Variants in SIGIRR observed in about 807,000 individuals in gnomAD.
The protein encoded by SIGIRR is single Ig and TIR domain containing.
A neutral mutation model predicts 45.6 loss-of-function variants in SIGIRR; 41 were observed. That is an observed-to-expected ratio of 0.90 (90% CI 0.70 to 1.17). The LOEUF is 1.17. Among genes scored for constraint, SIGIRR ranks in the 50% most tolerant of loss-of-function variants. SIGIRR has a pLI of 0.00. For missense variants in SIGIRR, 599 were observed against 539.6 expected, an observed-to-expected ratio of 1.11 and a Z score of -1.09; for synonymous variants, 298 against 239.0, an observed-to-expected ratio of 1.25 and a Z score of -2.28.
chr11:406,051 C>G lies in SIGIRR; in HGVS notation c.1078G>C (p.Gly360Arg). Residue 360 changes from glycine (G) to arginine (R), a missense_variant, in exon 10 of 10, where the codon GGG becomes CGG. Physicochemically the swap from Gly to Arg is moderately radical, Grantham distance 125 (BLOSUM62 -2). Coordinates refer to ENST00000431843, the MANE Select transcript of SIGIRR (RefSeq NM_001135054.2). The stretch of plus-strand genomic sequence containing the variant: ...GCTGATGGCTCTCCAAAGACAGGCC[C>G]CCGGACACCTGGGGTGGGGAGACCG... ...PDPEGDLGVRGPVFGEPSAPP... is the reference protein window; with the variant it reads ...PDPEGDLGVRRPVFGEPSAPP... The G allele has an allele frequency of 6.3e-7, 1 of 1,580,826 alleles. No individual in the cohort carries two copies. The highest frequency in any genetic ancestry group is 8.6e-7 in the Non-Finnish European group (1 of 1,164,708).
chr11:411,466 A>G (rs1230735392), intron 1 of SIGIRR, among the ~76,000 whole-genome samples: 9 of 4,090 alleles, frequency 2.2e-3, no homozygotes, highest in Admixed American at 0.011. Flanking sequence ...ATGTCTGGAT[A>G]CAGTCGGGGA....
chr11:407,210 G>C, intron 6 of SIGIRR, 46 bp from the exon 7 acceptor site: 1 of 907,734 alleles, frequency 1.1e-6, no homozygotes, highest in South Asian at 2.2e-5. Context: ...GGGCGGGGGA[G>C]GGCGGGGCCG....
At chr11:406,681 G>A (rs2133616627) in intron 8 of SIGIRR, 143 bp from the exon 9 acceptor site, 4 of 1,404,774 alleles carry the variant, frequency 2.8e-6, no homozygotes, top group East Asian at 2.5e-5. Flanking sequence ...CTCAAGGGCG[G>A]CTCCCCGCAT....
At chr11:409,137 G>T in intron 2 of SIGIRR, 1 of 566,684 alleles carries the variant, frequency 1.8e-6, no homozygotes, top group Non-Finnish European at 3.2e-6. Context: ...CAGTTGAGCT[G>T]CCCCAGGCCC....
At chr11:417,075 G>A (rs1434352939), upstream of SIGIRR, among the ~76,000 whole-genome samples, 1 of 152,210 alleles carries the variant, frequency 6.6e-6, no homozygotes, top group Non-Finnish European at 1.5e-5. This position sits in a 1 kb window ranked among gnomAD's most constrained non-coding sequence, Gnocchi z 4.2. Context: ...GACCACGTCG[G>A]GCAGAGGAAA....
At position 408,757 on chromosome 11, in the gene SIGIRR, C is replaced by T; in HGVS notation, c.144G>A (p.Gln48=). 1 of 1,612,804 alleles carries T rather than the reference C, an allele frequency of 6.2e-7. No homozygotes were observed. Among genetic ancestry groups the T allele is most frequent in the South Asian group, 1.1e-5 (1 of 91,088 alleles). The change falls in exon 3 of 10, where the codon CAG becomes CAA. Residue 48 remains glutamine, a synonymous_variant. Transcript: ENST00000431843. The part of the protein sequence containing the change: ...SGPHCSLPSV[Q]WLKDGLPLGI... The stretch of plus-strand genomic sequence containing the variant: ...CCAATGGAAGCCCGTCTTTCAGCCA[C>T]TGGACTGAAGGCAGGGAGCAGTGGG...
At position 405,782 on chromosome 11, in the gene SIGIRR, G is replaced by A; in HGVS notation, c.*114C>T. 3.7e-6 allele frequency: 5 copies of A among 1,339,004 alleles called. No homozygotes were observed. Among genetic ancestry groups the A allele is most frequent in the Non-Finnish European group, 5.0e-6 (5 of 993,098 alleles). The allele number at this position is 1,339,004 out of a possible 1,614,324, so 82.9% of individuals were successfully genotyped here. On this transcript the variant is annotated 3_prime_UTR_variant, in exon 10 of 10. Coordinates refer to ENST00000431843, the MANE Select transcript of SIGIRR (RefSeq NM_001135054.2). ...CCTGAGGCCACAGCCTTTTCCCAGG[G>A]CTGCTGGCAGGGTCCCAGGGCTGCT...
intron 5 of SIGIRR, 85 bp downstream of exon 5, chr11:407,732 C>A: frequency 6.3e-7 from 1 of 1,587,492 alleles, no homozygotes. Flanking sequence ...CCCTCCCCGC[C>A]GCACGCCTCC....
chr11:409,738 G>T, intron 2 of SIGIRR, 130 bp downstream of exon 2: 1 of 1,059,410 alleles, frequency 9.4e-7, no homozygotes. Context: ...GTGAGCAGGG[G>T]CCTTTGTACC....
chr11:407,102 C>A lies in SIGIRR; in HGVS notation c.688G>T (p.Asp230Tyr). Residue 230 changes from aspartate (D) to tyrosine (Y), a missense_variant, in exon 7 of 10, where the codon GAC becomes TAC. By Grantham distance (160) the Asp-to-Tyr change is radical. Coordinates refer to ENST00000431843, the MANE Select transcript of SIGIRR (RefSeq NM_001135054.2). ...CACCAGGCCCGGCTCAGGAAGGCGT[C>A]CGAAAGCACCACGATGAGGCGTCGG... ...RCRRLIVVLS[D>Y]AFLSRAWCSH... The A allele has an allele frequency of 6.5e-7, 1 of 1,536,250 alleles. No individual in the cohort carries two copies. The highest frequency in any genetic ancestry group is 1.2e-5 in the South Asian group (1 of 80,526).
rs550178878 is a variant in SIGIRR at position 412,836 on chromosome 11, C to T, written c.-154+1987G>A. 1.3e-3 allele frequency among the ~76,000 whole-genome samples: 202 copies of T among 152,246 alleles called. 1 individual carries two copies. The highest frequency in any genetic ancestry group is 4.5e-3 in the African/African-American group (187 of 41,530). ...ACCTCGGGAACCCTCAGCTTAGCCTCGCCCTGCGGTTGTGAGGCCGGAGGG... is the reference window on the plus strand; with the variant it reads ...ACCTCGGGAACCCTCAGCTTAGCCTTGCCCTGCGGTTGTGAGGCCGGAGGG... On this transcript the variant is annotated intron_variant, in intron 1 of 9. Transcript: ENST00000431843.
intron 1 of SIGIRR, among the ~76,000 whole-genome samples, chr11:410,614 G>A (rs1364887628): frequency 1.6e-3 from 54 of 33,228 alleles, no homozygotes; most frequent in African/African-American, 2.3e-3. Context: ...ATGTCTGGAT[G>A]CAGTCGGGGG....
At position 414,843 on chromosome 11, in the gene SIGIRR, C is replaced by T. The variant is rs1847836507; in HGVS notation, c.-174G>A. 1.5e-5 allele frequency: 15 copies of T among 985,422 alleles called. No individual in the cohort carries two copies. The highest frequency in any genetic ancestry group is 1.7e-5 in the African/African-American group (1 of 57,208). 61.0% of individuals were successfully genotyped at this position (985,422 alleles called of 1,614,324 possible). ...GTCACCTGGTTCCAGTTCTTTCCTC[C>T]GGGGGGCAAATGTTGGTCATTGGTG... On this transcript the variant is annotated 5_prime_UTR_variant, in exon 1 of 10. Coordinates refer to ENST00000431843, the MANE Select transcript of SIGIRR (RefSeq NM_001135054.2).
chr11:406,763 A>AG (rs1425833761), intron 8 of SIGIRR, 80 bp downstream of exon 8: 17 of 1,440,706 alleles, frequency 1.2e-5, no homozygotes, highest in Non-Finnish European at 1.5e-5. Flanking sequence ...CTCCCCACGG[A>AG]GGGGTCCCAG....
chr11:415,737 C>G (rs566885026), upstream of SIGIRR, among the ~76,000 whole-genome samples: 49 of 152,320 alleles, frequency 3.2e-4, no homozygotes, highest in African/African-American at 1.1e-3. This position sits in a 1 kb window ranked among gnomAD's most constrained non-coding sequence, Gnocchi z 6.6. Flanking sequence ...GGCCGAGGCT[C>G]CTGGCTCAGA....
chr11:417,074 G>A (rs1847907516), upstream of SIGIRR, among the ~76,000 whole-genome samples: 4 of 152,308 alleles, frequency 2.6e-5, no homozygotes, highest in South Asian at 6.2e-4. This position sits in a 1 kb window ranked among gnomAD's most constrained non-coding sequence, Gnocchi z 4.2. Context: ...TGACCACGTC[G>A]GGCAGAGGAA....
At chr11:406,180 A>T (rs1847286221) in intron 9 of SIGIRR, 121 bp from the exon 10 acceptor site, 2 of 1,537,422 alleles carry the variant, frequency 1.3e-6, no homozygotes, top group African/African-American at 2.7e-5. Flanking sequence ...GGAAGTTCCC[A>T]GGCAGACCGA....
chr11:412,725 C>T (rs1420311287), intron 1 of SIGIRR, among the ~76,000 whole-genome samples: 2 of 81,206 alleles, frequency 2.5e-5, no homozygotes, highest in African/African-American at 4.8e-5. Flanking sequence ...TGGATGCAGT[C>T]GAGGGGGGGT....
At chr11:407,778 G>A (rs759846718) in intron 5 of SIGIRR, 39 bp downstream of exon 5, 44 of 1,610,214 alleles carry the variant, frequency 2.7e-5, no homozygotes, top group South Asian at 1.7e-4. Flanking sequence ...CAGGGAGGCC[G>A]TGGCGACCCC....
Sources: gnomAD v4.1 joint callset for allele counts (sites outside exome capture counted in the v4.1 genomes callset) on GRCh38, gnomAD v4.1.1 for gene constraint, Gnocchi (gnomAD v3.1) non-coding constraint, MANE v1.5 for transcripts, NCBI Gene and HGNC (gene_info 2026-07-23, HGNC 2026-07-21) for gene names.